Variants in NFIB observed in about 807,000 individuals in gnomAD.
NFIB encodes the protein nuclear factor 1 B-type.
In NFIB, 11 loss-of-function variants were observed where a neutral mutation model predicts 61.5. That is an observed-to-expected ratio of 0.18 (90% CI 0.11 to 0.30). The LOEUF (loss-of-function observed/expected upper bound fraction) is 0.30. Ranked by LOEUF, NFIB falls within the 10% of genes least tolerant of loss-of-function variation. The pLI is 1.00. For missense variants in NFIB, 471 were observed against 608.9 expected (o/e 0.77, Z 2.38); for synonymous variants, 260 against 216.5 (o/e 1.20, Z -1.76).
rs531487919 is a variant in NFIB, at chr9:14,216,307, G to C, written c.563-36527C>G. ...CAGGCTGAGCTTATCCCACTGGAAA[G>C]GTGTGCATTAACATGGTGGCATGTA... On this transcript the variant is annotated intron_variant, in intron 2 of 10. Transcript: ENST00000380953. Among the ~76,000 whole-genome samples the C allele has an allele frequency of 1.2e-4, 19 of 152,270 alleles. 1 individual carries two copies. The South Asian group carries it at 3.5e-3, about 28-fold the overall frequency.
chr9:14,192,632 C>T (rs1034444946), intron 2 of NFIB, among the ~76,000 whole-genome samples: 6 of 152,162 alleles, frequency 3.9e-5, no homozygotes, highest in Non-Finnish European at 8.8e-5. Context: ...TCTGCTTTGA[C>T]ATTTGTCTCC....
chr9:14,096,963 C>G (rs529446658), intron 10 of NFIB, among the ~76,000 whole-genome samples: 1 of 152,188 alleles, frequency 6.6e-6, no homozygotes, highest in South Asian at 2.1e-4. Flanking sequence ...AAGGAAATGT[C>G]GTGTTGTACA....
intron 1 of NFIB, among the ~76,000 whole-genome samples, chr9:14,344,413 G>T (rs187591221): frequency 2.3e-4 from 35 of 151,952 alleles, no homozygotes; most frequent in Middle Eastern, 3.4e-3. Context: ...GTCTCAGAAG[G>T]GGGGGGTAGA....
chr9:14,439,644 G>A, the NFIB span, among the ~76,000 whole-genome samples: 57 of 152,266 alleles, frequency 3.7e-4, no homozygotes, highest in Admixed American at 9.8e-4. Context: ...CTGAGCCCCA[G>A]AAGTGGCCTG....
intron 2 of NFIB, among the ~76,000 whole-genome samples, chr9:14,239,941 A>G (rs1181822776): frequency 6.6e-6 from 1 of 152,152 alleles, no homozygotes; most frequent in Non-Finnish European, 1.5e-5. Context: ...GGTGAGGATG[A>G]AGAGAAATAA....
chr9:14,215,338 C>G (rs1422774586), intron 2 of NFIB, among the ~76,000 whole-genome samples: 2 of 150,328 alleles, frequency 1.3e-5, no homozygotes, highest in Non-Finnish European at 2.9e-5. Context: ...AAATGAAAAG[C>G]AGTGAAAATG....
chr9:14,315,621 G>T (rs1193013658), upstream of NFIB, among the ~76,000 whole-genome samples: 4 of 148,184 alleles, frequency 2.7e-5, no homozygotes, highest in Admixed American at 1.3e-4. Flanking sequence ...GCCCGCGCCG[G>T]CTCCCCACCG....
chr9:14,136,190 T>A (rs1355224105), intron 6 of NFIB, among the ~76,000 whole-genome samples: 15 of 152,210 alleles, frequency 9.9e-5, no homozygotes, highest in Admixed American at 9.2e-4. Flanking sequence ...TAAAAACACT[T>A]CAAAATGCTT....
At chr9:14,273,226 C>T (rs1359958022) in intron 2 of NFIB, among the ~76,000 whole-genome samples, 2 of 152,082 alleles carry the variant, frequency 1.3e-5, no homozygotes, top group African/African-American at 4.8e-5. Context: ...CCTCATCAAT[C>T]CCAAAAAGAA....
At chr9:14,381,304 A>C (rs962108009) in intron 1 of NFIB, among the ~76,000 whole-genome samples, 5 of 151,670 alleles carry the variant, frequency 3.3e-5, no homozygotes, top group Non-Finnish European at 5.9e-5. Context: ...CAATCCTCCC[A>C]CCTCAGCCTC....
chr9:14,243,610 T>TA (rs1425824009), intron 2 of NFIB, among the ~76,000 whole-genome samples: 56 of 117,814 alleles, frequency 4.8e-4, no homozygotes, highest in Non-Finnish European at 7.6e-4. Context: ...TGGGTATTTT[T>TA]TAAAAAAAAA....
intron 3 of NFIB, among the ~76,000 whole-genome samples, chr9:14,164,208 AAG>A (rs1467739430): frequency 2.0e-5 from 3 of 152,114 alleles, no homozygotes; most frequent in Admixed American, 6.6e-5. Flanking sequence ...TTAAGGGAAA[AAG>A]AGAAAGTAAA....
At chr9:14,379,594 C>T (rs1033782469) in intron 1 of NFIB, among the ~76,000 whole-genome samples, 1 of 152,158 alleles carries the variant, frequency 6.6e-6, no homozygotes, top group South Asian at 2.1e-4. Flanking sequence ...CACTTTGGCT[C>T]TGCATGAGAG....
chr9:14,474,477 T>A, the NFIB span, among the ~76,000 whole-genome samples: 1 of 152,204 alleles, frequency 6.6e-6, no homozygotes, highest in Non-Finnish European at 1.5e-5. Flanking sequence ...AAATATTCCA[T>A]CTATAGCATT....
intron 1 of NFIB, among the ~76,000 whole-genome samples, chr9:14,326,569 G>C (rs1413465550): frequency 6.6e-6 from 1 of 152,110 alleles, no homozygotes; most frequent in African/African-American, 2.4e-5. Context: ...CTGAGATGGT[G>C]GTATGGCTCA....
chr9:14,340,904 T>C (rs930405577), intron 1 of NFIB, among the ~76,000 whole-genome samples: 2 of 150,516 alleles, frequency 1.3e-5, no homozygotes, highest in African/African-American at 4.9e-5. Flanking sequence ...AACAGAGGAC[T>C]GACCAGTGTC....
the NFIB span, among the ~76,000 whole-genome samples, chr9:14,442,773 C>G: frequency 1.3e-5 from 2 of 152,178 alleles, no homozygotes; most frequent in Admixed American, 6.5e-5. Context: ...TTCTGAGGAT[C>G]TGGGGGTTCA....
At chr9:14,232,259 A>G (rs2053278747) in intron 2 of NFIB, among the ~76,000 whole-genome samples, 1 of 152,146 alleles carries the variant, frequency 6.6e-6, no homozygotes, top group Non-Finnish European at 1.5e-5. Flanking sequence ...TTTTTCTCAT[A>G]CAAGAGCCAC....
chr9:14,153,252 A>G (rs1017774105), intron 4 of NFIB, among the ~76,000 whole-genome samples: 1 of 152,152 alleles, frequency 6.6e-6, no homozygotes, highest in African/African-American at 2.4e-5. Flanking sequence ...CTGACACTAA[A>G]TGGGAGATAC....
Sources: allele counts gnomAD v4.1 joint callset (sites outside exome capture counted in the v4.1 genomes callset), GRCh38; gene constraint gnomAD v4.1.1; transcripts MANE v1.5; gene names NCBI Gene and HGNC (gene_info 2026-07-23, HGNC 2026-07-21).